Variants in HIP1 observed in about 807,000 individuals in gnomAD.
HIP1 encodes huntingtin interacting protein 1, also known as huntingtin-interacting protein 1.
Under a neutral mutation model 147.6 loss-of-function variants are expected in HIP1, and 65 were observed. That is an observed-to-expected ratio of 0.44 (90% CI 0.36 to 0.54). The LOEUF (loss-of-function observed/expected upper bound fraction) is 0.54, where lower values mean the gene tolerates loss of function less well. Ranked by LOEUF, HIP1 falls within the 20% of genes least tolerant of loss-of-function variation. The pLI, the probability that HIP1 is intolerant of heterozygous loss-of-function variation, is 0.00. For synonymous variants in HIP1, 479 were observed against 504.0 expected, an observed-to-expected ratio of 0.95 and a Z score of 0.67; for missense variants, 1,061 against 1,299.6, an observed-to-expected ratio of 0.82 and a Z score of 2.82.
At chr7:75,637,583 T>C (rs1457979774) in intron 1 of HIP1, among the ~76,000 whole-genome samples, 1 of 127,434 alleles carries the variant, frequency 7.8e-6, no homozygotes, top group Non-Finnish European at 1.6e-5. Flanking sequence ...TTCTAATACA[T>C]GCCCAAAGAA....
At chr7:75,681,268 C>A (rs574742579) in intron 1 of HIP1, among the ~76,000 whole-genome samples, 1 of 152,040 alleles carries the variant, frequency 6.6e-6, no homozygotes, top group Non-Finnish European at 1.5e-5. Context: ...GCCCCTAATC[C>A]CCTTCTTGTC....
At chr7:75,707,409 T>C (rs1349451898) in intron 1 of HIP1, among the ~76,000 whole-genome samples, 2 of 90,926 alleles carry the variant, frequency 2.2e-5, no homozygotes, top group African/African-American at 4.6e-5. Flanking sequence ...CTTCATGTGT[T>C]TTTTGGCTGC....
In HIP1 at chr7:75,538,175, T is replaced by C. The variant is rs782510350; in HGVS notation, c.3111A>G (p.Glu1037=). The stretch of plus-strand genomic sequence containing the variant: ...CATATGGGGTGTTGGTTTGGCTCTA[T>C]TCTTTTTCGGTTACCACTTCTTGCA... The part of the protein sequence containing the change: ...PTLQEVVTEK[E] The change falls in exon 31 of 31, where the codon GAA becomes GAG. Residue 1037 remains glutamate (E), a synonymous_variant. Coordinates refer to ENST00000336926, the MANE Select transcript of HIP1 (RefSeq NM_005338.7). 3.1e-6 allele frequency: 5 copies of C among 1,611,594 alleles called. No homozygotes were observed. The highest frequency in any genetic ancestry group is 4.2e-6 in the Non-Finnish European group (5 of 1,177,780).
At chr7:75,573,285 T>G (rs587639104) in intron 8 of HIP1, among the ~76,000 whole-genome samples, 5 of 152,264 alleles carry the variant, frequency 3.3e-5, no homozygotes, top group African/African-American at 1.2e-4. Context: ...AGAGAGGAGC[T>G]ACCCACTCCA....
chr7:75,548,316 C>T (rs1345562903), intron 23 of HIP1, among the ~76,000 whole-genome samples: 1 of 151,806 alleles, frequency 6.6e-6, no homozygotes, highest in East Asian at 2.0e-4. Context: ...CGTGAGCCAC[C>T]ACGCCTGGCC....
At chr7:75,631,112 G>A (rs1798199839) in intron 1 of HIP1, among the ~76,000 whole-genome samples, 1 of 151,672 alleles carries the variant, frequency 6.6e-6, no homozygotes, top group Non-Finnish European at 1.5e-5. Context: ...AGGCTCATGC[G>A]ACCAAACCCA....
At chr7:75,701,674 ACT>A (rs1554519189) in intron 1 of HIP1, among the ~76,000 whole-genome samples, 1 of 152,076 alleles carries the variant, frequency 6.6e-6, no homozygotes, top group African/African-American at 2.4e-5. Flanking sequence ...ACAGAGCAAG[ACT>A]CTGTCTCTAC....
At chr7:75,599,902 C>A (rs1238401678) in intron 1 of HIP1, among the ~76,000 whole-genome samples, 1 of 144,926 alleles carries the variant, frequency 6.9e-6, no homozygotes, top group Non-Finnish European at 1.5e-5. Flanking sequence ...GTGGCCCGAT[C>A]TTGGCTCACT....
rs1584853249 is a variant in HIP1, at chr7:75,595,207, T to C, written c.185-2693A>G. Reference sequence around the variant, plus strand: ...GGAGTCCTTTCTTTCTTTCTTTCTTTCTTTCTTTCTTTCTTTCTTTCTTTC... The same window carrying C: ...GGAGTCCTTTCTTTCTTTCTTTCTTCCTTTCTTTCTTTCTTTCTTTCTTTC... On this transcript the variant is annotated intron_variant, in intron 2 of 30. Transcript: ENST00000336926. Among the ~76,000 whole-genome samples, 4 of 68,658 alleles carry C rather than the reference T, an allele frequency of 5.8e-5. No individual in the cohort carries two copies. In the South Asian group the frequency reaches 2.3e-3, roughly 39 times the overall value. The allele number at this position is 68,658 out of a possible 152,430, so 45.0% of individuals were successfully genotyped here.
intron 1 of HIP1, among the ~76,000 whole-genome samples, chr7:75,605,126 G>C (rs1408730172): frequency 6.6e-6 from 1 of 152,152 alleles, no homozygotes; most frequent in Non-Finnish European, 1.5e-5. Flanking sequence ...ATGCCTCATA[G>C]GAACTCTGGG....
chr7:75,577,781 CTT>C (rs1795898398), intron 7 of HIP1, among the ~76,000 whole-genome samples: 1 of 152,194 alleles, frequency 6.6e-6, no homozygotes, highest in Admixed American at 6.5e-5. Flanking sequence ...AGGCCGATCA[CTT>C]GAGGCCAGGA....
intron 1 of HIP1, among the ~76,000 whole-genome samples, chr7:75,728,113 A>C (rs1369783176): frequency 1.3e-5 from 2 of 152,202 alleles, no homozygotes; most frequent in African/African-American, 2.4e-5. Context: ...GCTTCAAAGG[A>C]GTAATGTGTC....
intron 1 of HIP1, among the ~76,000 whole-genome samples, chr7:75,697,717 C>A (rs1315729519): frequency 2.6e-5 from 4 of 152,162 alleles, no homozygotes; most frequent in Non-Finnish European, 5.9e-5. Flanking sequence ...GAGGCTAAGG[C>A]AGAAGAATCG....
intron 1 of HIP1, among the ~76,000 whole-genome samples, chr7:75,657,085 T>C (rs1799164767): frequency 6.6e-6 from 1 of 152,168 alleles, no homozygotes; most frequent in Non-Finnish European, 1.5e-5. Context: ...GGAAAATAAA[T>C]CGTTCTACCG....
intron 7 of HIP1, 57 bp downstream of exon 7, chr7:75,581,180 C>A: frequency 7.6e-7 from 1 of 1,323,446 alleles, no homozygotes. Flanking sequence ...GAGAGGAGGA[C>A]TAGGAATTAG....
At chr7:75,601,959 T>TTACTG (rs1796997756) in intron 1 of HIP1, among the ~76,000 whole-genome samples, 1 of 151,768 alleles carries the variant, frequency 6.6e-6, no homozygotes, top group Non-Finnish European at 1.5e-5. Context: ...TTTGACCCAG[T>TTACTG]AATCTCACTC....
At chr7:75,580,263 C>A (rs1795989454) in intron 7 of HIP1, among the ~76,000 whole-genome samples, 1 of 152,194 alleles carries the variant, frequency 6.6e-6, no homozygotes, top group Admixed American at 6.6e-5. Context: ...TGAGCCAGCC[C>A]AGTTCCGAGT....
At position 75,672,932 on chromosome 7, in the gene HIP1, TGCACTGTTCTATG is replaced by T. The variant is rs1799769716; in HGVS notation, c.120+65856_120+65868del. Among the ~76,000 whole-genome samples, 7 of 152,136 alleles carry T rather than the reference TGCACTGTTCTATG, an allele frequency of 4.6e-5. No individual in the cohort carries two copies. In the South Asian group the frequency reaches 1.4e-3, roughly 32 times the overall value. On this transcript the variant is annotated intron_variant, in intron 1 of 30. Transcript: ENST00000336926. The stretch of plus-strand genomic sequence containing the variant: ...CTTATTTCTGGACCCCCAATTCCAT[TGCACTGTTCTATG>T]TTTCTATCCTTATGCCAGTAACACC...
intron 1 of HIP1, among the ~76,000 whole-genome samples, chr7:75,615,263 T>C (rs936697564): frequency 4.0e-5 from 6 of 151,396 alleles, no homozygotes; most frequent in Middle Eastern, 6.8e-3. Context: ...TGATAGGAAG[T>C]GGACCCTGTG....
Sources: allele counts gnomAD v4.1 joint callset (sites outside exome capture counted in the v4.1 genomes callset), GRCh38; gene constraint gnomAD v4.1.1; transcripts MANE v1.5; gene names NCBI Gene and HGNC (gene_info 2026-07-23, HGNC 2026-07-21).